The following DDC variants were observed in gnomAD, a reference collection of about 807,000 sequenced individuals.
DDC encodes aromatic-L-amino-acid decarboxylase.
DDC carries 43 observed loss-of-function variants against 60.0 expected under a neutral mutation model. The ratio of observed to expected loss-of-function variants is 0.72; its 90% CI spans 0.56 to 0.92. The LOEUF (loss-of-function observed/expected upper bound fraction) is 0.92. Ranked by LOEUF, DDC falls within the 40% of genes least tolerant of loss-of-function variation. The pLI, the probability that DDC is intolerant of heterozygous loss-of-function variation, is 0.00. For missense variants in DDC, 573 were observed against 620.2 expected (o/e 0.92, Z 0.81); for synonymous variants, 232 against 234.6 (o/e 0.99, Z 0.10).
At chr7:50,492,423 G>A (rs1232768668) in intron 9 of DDC, among the ~76,000 whole-genome samples, 1 of 152,182 alleles carries the variant, frequency 6.6e-6, no homozygotes, top group Non-Finnish European at 1.5e-5. Flanking sequence ...CAAATTCTTT[G>A]ACTCTTGTTC....
chr7:50,523,652 A>T (rs77612302), intron 6 of DDC, among the ~76,000 whole-genome samples: 1 of 152,208 alleles, frequency 6.6e-6, no homozygotes, highest in Non-Finnish European at 1.5e-5. Flanking sequence ...TGGATAAAAT[A>T]AAAAACACTG....
At chr7:50,520,602 C>T (rs1453017455) in intron 6 of DDC, among the ~76,000 whole-genome samples, 1 of 152,062 alleles carries the variant, frequency 6.6e-6, no homozygotes, top group Non-Finnish European at 1.5e-5. Context: ...CCTTAATAAC[C>T]TAGAAAAAAA....
intron 9 of DDC, among the ~76,000 whole-genome samples, chr7:50,489,463 T>C (rs2153537903): frequency 6.6e-6 from 1 of 152,366 alleles, no homozygotes; most frequent in East Asian, 1.9e-4. Flanking sequence ...TAACTTTCTG[T>C]ATTGCTTCTA....
chr7:50,519,288 T>A (rs2043823391), intron 6 of DDC, among the ~76,000 whole-genome samples: 1 of 152,250 alleles, frequency 6.6e-6, no homozygotes, highest in South Asian at 2.1e-4. Context: ...TCTACACTGC[T>A]GGTAGGAATG....
chr7:50,497,097 C>G (rs1472295538), intron 8 of DDC, among the ~76,000 whole-genome samples: 1 of 152,192 alleles, frequency 6.6e-6, no homozygotes, highest in Non-Finnish European at 1.5e-5. Flanking sequence ...CATTACCCAG[C>G]AGTGATATTT....
intron 9 of DDC, among the ~76,000 whole-genome samples, chr7:50,488,082 G>T (rs928050196): frequency 6.6e-6 from 1 of 151,984 alleles, no homozygotes; most frequent in Non-Finnish European, 1.5e-5. Context: ...AAATTCGCAG[G>T]CTATAAAATT....
Position 50,512,492 on chromosome 7 carries a change from T to C in DDC, c.715-8433A>G, listed in dbSNP as rs375876325. ...GACAGGAAAATACAGTTAATTTTGG[T>C]CAATTTTAGCTCTAGTACAGTAGTA... is the stretch of plus-strand genomic sequence containing the variant. On this transcript the variant is annotated intron_variant, in intron 6 of 14. Transcript: ENST00000444124. Among the ~76,000 whole-genome samples, 3 of 152,310 alleles carry C rather than the reference T, an allele frequency of 2.0e-5. No individual in the cohort carries two copies. The East Asian group carries it at 5.8e-4, about 29-fold the overall frequency.
chr7:50,540,105 CATG>C, intron 2 of DDC, 77 bp from the exon 3 acceptor site: 7 of 1,126,572 alleles, frequency 6.2e-6, no homozygotes, highest in Non-Finnish European at 9.2e-6. Context: ...CAGGTACCCC[CATG>C]GCTCCCAGCT....
chr7:50,508,343 A>G (rs1472793748), intron 6 of DDC, among the ~76,000 whole-genome samples: 1 of 152,192 alleles, frequency 6.6e-6, no homozygotes, highest in Admixed American at 6.5e-5. Flanking sequence ...TGCAGGGGGA[A>G]GGAGGGGTAG....
At chr7:50,492,014 G>GT (rs2043007391) in intron 9 of DDC, among the ~76,000 whole-genome samples, 1 of 152,222 alleles carries the variant, frequency 6.6e-6, no homozygotes, top group South Asian at 2.1e-4. Flanking sequence ...CTAATCCAAT[G>GT]TGACTGGTGT....
intron 6 of DDC, among the ~76,000 whole-genome samples, chr7:50,524,882 C>G (rs577698466): frequency 1.3e-5 from 2 of 152,310 alleles, no homozygotes; most frequent in South Asian, 4.1e-4. Flanking sequence ...CATTAATGTT[C>G]CTGGATGCAT....
At chr7:50,531,167 T>C (rs562105525) in intron 4 of DDC, among the ~76,000 whole-genome samples, 1 of 152,324 alleles carries the variant, frequency 6.6e-6, no homozygotes, top group South Asian at 2.1e-4. Flanking sequence ...TTTACAAACC[T>C]TGGCCAGAGG....
chr7:50,539,897 G>T lies in DDC; in HGVS notation c.315+18C>A, dbSNP rs1027484436. 1 of 1,597,854 alleles carries T rather than the reference G, an allele frequency of 6.3e-7. No individual in the cohort carries two copies. The highest frequency in any genetic ancestry group is 8.6e-7 in the Non-Finnish European group (1 of 1,165,856). On this transcript the variant is annotated intron_variant, in intron 3 of 14. Transcript: ENST00000444124. ...ACCACAGCCAGGACCCCTTCCCGAG[G>T]TGCATCCGGACCCTCACCCAGGAGA... is the stretch of plus-strand genomic sequence containing the variant.
chr7:50,486,250 T>C (rs958862277), intron 9 of DDC, among the ~76,000 whole-genome samples: 36 of 152,226 alleles, frequency 2.4e-4, no homozygotes, highest in Admixed American at 1.0e-3. Flanking sequence ...TGTATTTGTA[T>C]TTGTAAAACG....
rs904523737 is a variant in DDC at position 50,459,863 on chromosome 7, C to T, written c.*19-1020G>A. On this transcript the variant is annotated intron_variant, in intron 14 of 14. Coordinates refer to ENST00000444124, the MANE Select transcript of DDC (RefSeq NM_001082971.2). ...ATCAGCCCCCGGCCCGGCCAGCCGC[C>T]CCGTCCGGGAGGGAGGTGGGGGGGT... Among the ~76,000 whole-genome samples, 3 of 147,646 alleles carry T rather than the reference C, an allele frequency of 2.0e-5. No individual in the cohort carries two copies. The East Asian group carries it at 6.1e-4, about 30-fold the overall frequency.
intron 6 of DDC, among the ~76,000 whole-genome samples, chr7:50,505,784 C>A (rs1467805687): frequency 3.9e-5 from 6 of 152,260 alleles, no homozygotes; most frequent in Non-Finnish European, 8.8e-5. Context: ...CCTGGCTGGA[C>A]TCTGGAAGGG....
intron 6 of DDC, among the ~76,000 whole-genome samples, chr7:50,520,342 T>C (rs987553255): frequency 1.4e-4 from 21 of 152,122 alleles, no homozygotes; most frequent in Admixed American, 5.9e-4. Flanking sequence ...TCAGACTGCA[T>C]TGGAATTAAA....
chr7:50,511,464 G>A (rs4377913), intron 6 of DDC, among the ~76,000 whole-genome samples: 2 of 152,002 alleles, frequency 1.3e-5, no homozygotes, highest in Admixed American at 6.5e-5. Flanking sequence ...TCAGGATTTC[G>A]AGACTAGCCT....
At chr7:50,530,519 G>A (rs1045611840) in intron 4 of DDC, among the ~76,000 whole-genome samples, 1 of 152,198 alleles carries the variant, frequency 6.6e-6, no homozygotes, top group Admixed American at 6.5e-5. Context: ...GGCCTGCTAT[G>A]TTATCCCATT....
Sources: gnomAD v4.1 joint callset for allele counts (sites outside exome capture counted in the v4.1 genomes callset) on GRCh38, gnomAD v4.1.1 for gene constraint, MANE v1.5 for transcripts, NCBI Gene and HGNC (gene_info 2026-07-23, HGNC 2026-07-21) for gene names.